EYS: variants seen among roughly 807,000 people sequenced by gnomAD.
EYS encodes protein eyes shut homolog.
Under a neutral mutation model 282.1 loss-of-function variants are expected in EYS, and 250 were observed. That is an observed-to-expected ratio of 0.89 (90% CI 0.80 to 0.98). The LOEUF (loss-of-function observed/expected upper bound fraction) is 0.98, where lower values mean the gene tolerates loss of function less well. Ranked by LOEUF, EYS falls within the 50% of genes least tolerant of loss-of-function variation. The pLI, the probability that EYS is intolerant of heterozygous loss-of-function variation, is 0.00. For synonymous variants in EYS, 1,355 were observed against 1,282.9 expected, an observed-to-expected ratio of 1.06 and a Z score of -1.20; for missense variants, 4,016 against 3,709.0, an observed-to-expected ratio of 1.08 and a Z score of -2.15.
At chr6:63,865,549 G>A (rs321503) in intron 35 of EYS, among the ~76,000 whole-genome samples, 91,458 of 151,686 alleles carry the variant, frequency 0.6, 28,528 homozygotes, top group East Asian at 0.71. Flanking sequence ...TTCTCAATGC[G>A]ACTGTTAGCT....
intron 12 of EYS, among the ~76,000 whole-genome samples, chr6:65,266,610 A>C (rs1275470042): frequency 6.6e-6 from 1 of 151,870 alleles, no homozygotes; most frequent in African/African-American, 2.4e-5. Flanking sequence ...TCGGTTTGCC[A>C]GTATTTTATT....
intron 18 of EYS, among the ~76,000 whole-genome samples, chr6:64,899,586 A>C (rs1376688328): frequency 6.6e-6 from 1 of 152,142 alleles, no homozygotes; most frequent in Non-Finnish European, 1.5e-5. Flanking sequence ...ATAGACAAAC[A>C]TTAATAGACA....
rs192837270 is a variant in EYS at position 64,239,231 on chromosome 6, T to C, written c.6192-8407A>G. ...ATAAACATACATGTGCATGTGTCTTTATAGTAGAATGATTTATAATACTTT... is the reference window on the plus strand; with the variant it reads ...ATAAACATACATGTGCATGTGTCTTCATAGTAGAATGATTTATAATACTTT... On this transcript the variant is annotated intron_variant, in intron 30 of 42. Coordinates refer to ENST00000503581, the MANE Select transcript of EYS (RefSeq NM_001142800.2). 6.2e-3 allele frequency among the ~76,000 whole-genome samples: 947 copies of C among 152,312 alleles called. 8 individuals are homozygous for C. The highest frequency in any genetic ancestry group is 0.022 in the African/African-American group (906 of 41,564).
chr6:65,215,939 T>C (rs1415753193), intron 12 of EYS, among the ~76,000 whole-genome samples: 2 of 152,214 alleles, frequency 1.3e-5, no homozygotes, highest in Non-Finnish European at 2.9e-5. Context: ...ACTGTGGACT[T>C]AACAGAATAT....
At chr6:64,606,286 C>T (rs1450857236) in intron 24 of EYS, among the ~76,000 whole-genome samples, 1 of 151,992 alleles carries the variant, frequency 6.6e-6, no homozygotes, top group Non-Finnish European at 1.5e-5. Context: ...TACCTGTTCT[C>T]CCTAGAACAA....
chr6:64,654,988 C>A (rs943849146), intron 22 of EYS, among the ~76,000 whole-genome samples: 3 of 152,084 alleles, frequency 2.0e-5, no homozygotes, highest in African/African-American at 7.2e-5. Context: ...TGGAATCAGA[C>A]CTCTATTATC....
intron 2 of EYS, among the ~76,000 whole-genome samples, chr6:65,592,783 TAAG>T (rs1157495544): frequency 6.6e-6 from 1 of 151,986 alleles, no homozygotes; most frequent in East Asian, 1.9e-4. Flanking sequence ...GAAATAAAAC[TAAG>T]AAGAATGGTT....
chr6:65,654,998 A>AG (rs1767770385), intron 1 of EYS, among the ~76,000 whole-genome samples: 1 of 150,966 alleles, frequency 6.6e-6, no homozygotes, highest in African/African-American at 2.4e-5. Flanking sequence ...AAAAAAAAAA[A>AG]AAATGTTTGT....
In EYS at chr6:64,554,784, C is replaced by T. The variant is rs1765188411; in HGVS notation, c.5644+35439G>A. Among the ~76,000 whole-genome samples the T allele has an allele frequency of 2.0e-5, 3 of 151,842 alleles. 1 individual carries two copies. In the South Asian group the frequency reaches 6.2e-4, roughly 31 times the overall value. ...ACAATATATGAAAAAATGTTTAATGCCACTATTCTTCAGAAAAATGAAAAT... is the reference window on the plus strand; with the variant it reads ...ACAATATATGAAAAAATGTTTAATGTCACTATTCTTCAGAAAAATGAAAAT... On this transcript the variant is annotated intron_variant, in intron 26 of 42. Transcript: ENST00000503581.
chr6:65,603,645 A>G (rs1352177409), intron 2 of EYS, among the ~76,000 whole-genome samples: 1 of 151,964 alleles, frequency 6.6e-6, no homozygotes, highest in Non-Finnish European at 1.5e-5. Flanking sequence ...TCTTCTGTTC[A>G]TTTTAAACTT....
chr6:64,306,034 A>G (rs1275268580), intron 30 of EYS, among the ~76,000 whole-genome samples: 1 of 152,210 alleles, frequency 6.6e-6, no homozygotes, highest in African/African-American at 2.4e-5. Flanking sequence ...TAAACAACAA[A>G]GAAACAATCC....
At chr6:64,520,698 C>A (rs901776509) in intron 26 of EYS, among the ~76,000 whole-genome samples, 2 of 151,670 alleles carry the variant, frequency 1.3e-5, no homozygotes, top group African/African-American at 4.8e-5. Flanking sequence ...TTTAGTACAA[C>A]ATTTTAAAAT....
chr6:64,787,931 A>C (rs1774073516), intron 22 of EYS, among the ~76,000 whole-genome samples: 1 of 151,872 alleles, frequency 6.6e-6, no homozygotes, highest in Non-Finnish European at 1.5e-5. Context: ...TCCCTTTTAC[A>C]TCATGCCCCT....
intron 28 of EYS, among the ~76,000 whole-genome samples, chr6:64,421,930 A>AT (rs1453209361): frequency 4.2e-5 from 6 of 144,146 alleles, no homozygotes; most frequent in African/African-American, 1.3e-4. Context: ...AGGGATTGTG[A>AT]TTTTTGCCCT....
chr6:64,983,471 T>C (rs193246591), intron 14 of EYS, among the ~76,000 whole-genome samples: 16 of 151,226 alleles, frequency 1.1e-4, no homozygotes, highest in African/African-American at 3.6e-4. Context: ...CAACCAGTTT[T>C]CCCCCCACAC....
At chr6:64,631,343 A>G (rs1353182360) in intron 22 of EYS, 2 of 152,180 alleles carry the variant, frequency 1.3e-5, no homozygotes, top group Admixed American at 6.5e-5. Flanking sequence ...TGTTGCAGAT[A>G]AGAAGTAAAT....
chr6:64,420,473 G>C (rs1012390609), intron 28 of EYS, among the ~76,000 whole-genome samples: 6 of 150,670 alleles, frequency 4.0e-5, no homozygotes, highest in Non-Finnish European at 7.4e-5. Context: ...TTTCTCCCCA[G>C]AAAATGGGTT....
intron 28 of EYS, among the ~76,000 whole-genome samples, chr6:64,398,189 T>C (rs760134093): frequency 2.0e-5 from 3 of 151,944 alleles, no homozygotes; most frequent in African/African-American, 7.2e-5. Flanking sequence ...CCTACATTGA[T>C]ATTATTTACA....
chr6:65,609,096 C>A (rs1225649665), intron 2 of EYS, among the ~76,000 whole-genome samples: 1 of 151,864 alleles, frequency 6.6e-6, no homozygotes, highest in Non-Finnish European at 1.5e-5. Context: ...TATAAAGTAG[C>A]ACATAATTAT....
Sources: allele counts gnomAD v4.1 joint callset (sites outside exome capture counted in the v4.1 genomes callset), GRCh38; gene constraint gnomAD v4.1.1; transcripts MANE v1.5; gene names NCBI Gene and HGNC (gene_info 2026-07-23, HGNC 2026-07-21).